DGCR2: variants seen among roughly 807,000 people sequenced by gnomAD.
DGCR2 encodes integral membrane protein DGCR2/IDD.
A neutral mutation model predicts 51.6 loss-of-function variants in DGCR2; 24 were observed. That is an observed-to-expected ratio of 0.47 (90% CI 0.34 to 0.65). DGCR2 has a LOEUF of 0.65. Among genes scored for constraint, DGCR2 ranks in the 30% least tolerant of loss-of-function variants. DGCR2 has a pLI of 0.01. For missense variants in DGCR2, 765 were observed against 772.1 expected, an observed-to-expected ratio of 0.99 and a Z score of 0.11; for synonymous variants, 340 against 315.4, an observed-to-expected ratio of 1.08 and a Z score of -0.82.
intron 7 of DGCR2, chr22:19,045,204 G>C (rs937674422): frequency 6.6e-6 from 1 of 152,368 alleles, no homozygotes; most frequent in East Asian, 1.9e-4. Context: ...ACCAGTGGTT[G>C]AAAGACTATC....
chr22:19,050,255 T>C (rs1033673909), intron 6 of DGCR2, among the ~76,000 whole-genome samples: 2 of 152,202 alleles, frequency 1.3e-5, no homozygotes, highest in Non-Finnish European at 2.9e-5. Context: ...TTGTTACTTC[T>C]AAGGGAACCC....
chr22:19,051,813 AC>A (rs898677928), intron 6 of DGCR2, among the ~76,000 whole-genome samples: 16 of 152,360 alleles, frequency 1.1e-4, no homozygotes, highest in African/African-American at 3.6e-4. Context: ...AGCACATGAA[AC>A]ATGAAGAGGT....
At chr22:19,097,657 A>G (rs531585764) in intron 1 of DGCR2, among the ~76,000 whole-genome samples, 14 of 152,296 alleles carry the variant, frequency 9.2e-5, no homozygotes, top group Non-Finnish European at 1.8e-4. Flanking sequence ...ACTCAAACAC[A>G]CTTGAAGAAT....
chr22:19,051,074 A>G (rs2082542840), intron 6 of DGCR2, among the ~76,000 whole-genome samples: 1 of 151,638 alleles, frequency 6.6e-6, no homozygotes, highest in Non-Finnish European at 1.5e-5. Context: ...TGGTAATCCC[A>G]GCTACTTGGG....
intron 1 of DGCR2, among the ~76,000 whole-genome samples, chr22:19,110,680 T>C (rs1344225064): frequency 6.6e-6 from 1 of 151,492 alleles, no homozygotes; most frequent in Admixed American, 6.6e-5. Flanking sequence ...AAGGAGTAGA[T>C]GGAAAAAGAG....
At chr22:19,054,099 G>A (rs775409975) in intron 6 of DGCR2, among the ~76,000 whole-genome samples, 14 of 152,198 alleles carry the variant, frequency 9.2e-5, no homozygotes, top group South Asian at 4.1e-4. Context: ...TTATTGGAAC[G>A]ACTGATAAAA....
At chr22:19,104,661 C>T (rs1215538102) in intron 1 of DGCR2, among the ~76,000 whole-genome samples, 2 of 152,222 alleles carry the variant, frequency 1.3e-5, no homozygotes, top group Non-Finnish European at 2.9e-5. Flanking sequence ...GACACAGACT[C>T]CCACACCCGG....
Position 19,064,875 on chromosome 22 carries a change from C to G in DGCR2, c.521G>C (p.Arg174Pro), listed in dbSNP as rs146040912. 87 of 1,613,692 alleles carry G rather than the reference C, an allele frequency of 5.4e-5. 1 individual carries two copies. The highest frequency in any genetic ancestry group is 3.3e-5 in the Admixed American group (2 of 60,008). ...VLAQEWDQPE[R>P]SFGWKDQRKL... ...GCGCTGGTCCTTCCAACCAAAGCTC[C>G]GCTCGGGCTGGTCCCATTCCTGGGC... is the stretch of plus-strand genomic sequence containing the variant. Residue 174 changes from arginine to proline, a missense_variant, in exon 4 of 10, where the codon CGG (arginine) becomes CCG (proline). Arg to Pro is a moderately radical substitution (Grantham distance 103). This residue lies in a region of DGCR2 where 370 missense variants were observed against 325.5 expected (regional missense o/e 1.14). Coordinates refer to ENST00000263196, the MANE Select transcript of DGCR2 (RefSeq NM_005137.3).
chr22:19,119,735 C>CAA (rs57362176), intron 1 of DGCR2, among the ~76,000 whole-genome samples: 21,766 of 77,638 alleles, frequency 0.28, 2,687 homozygotes, highest in South Asian at 0.39. Context: ...GACTCTGTCT[C>CAA]AAAAAAAAAA....
chr22:19,062,397 C>T (rs990935661), intron 5 of DGCR2, among the ~76,000 whole-genome samples: 1 of 152,220 alleles, frequency 6.6e-6, no homozygotes, highest in Non-Finnish European at 1.5e-5. Flanking sequence ...GCCACCCAGG[C>T]CTTGACCCTT....
chr22:19,087,278 C>G (rs1243735492), intron 2 of DGCR2, among the ~76,000 whole-genome samples: 1 of 152,156 alleles, frequency 6.6e-6, no homozygotes, highest in African/African-American at 2.4e-5. Context: ...CCTGACCGGG[C>G]CAACACCATC....
intron 6 of DGCR2, among the ~76,000 whole-genome samples, chr22:19,051,896 A>T (rs2082552438): frequency 6.6e-6 from 1 of 152,224 alleles, no homozygotes; most frequent in Non-Finnish European, 1.5e-5. Context: ...ACATATCTGC[A>T]TACCTAACAG....
At chr22:19,102,358 A>G (rs1463839345) in intron 1 of DGCR2, among the ~76,000 whole-genome samples, 1 of 152,236 alleles carries the variant, frequency 6.6e-6, no homozygotes. Context: ...TGCTCGTTCC[A>G]TAACATTCTG....
chr22:19,065,185 T>A, intron 3 of DGCR2, 118 bp from the exon 4 acceptor site: 1 of 863,554 alleles, frequency 1.2e-6, no homozygotes, highest in Non-Finnish European at 1.8e-6. Context: ...GTGGGGAAAC[T>A]GAGGCTCAAG....
intron 6 of DGCR2, 150 bp from the exon 7 acceptor site, chr22:19,048,793 G>C: frequency 1.3e-6 from 1 of 746,448 alleles, no homozygotes; most frequent in Admixed American, 2.3e-5. Flanking sequence ...CAGCTGGAGG[G>C]GGCATGTGAG....
intron 1 of DGCR2, among the ~76,000 whole-genome samples, chr22:19,090,797 T>C (rs1601270312): frequency 7.6e-6 from 1 of 131,768 alleles, no homozygotes; most frequent in Non-Finnish European, 1.6e-5. Flanking sequence ...GAATAAAAAA[T>C]AATCCAAAAG....
At chr22:19,103,393 A>ATT (rs995742199) in intron 1 of DGCR2, among the ~76,000 whole-genome samples, 3 of 93,004 alleles carry the variant, frequency 3.2e-5, no homozygotes, top group African/African-American at 1.1e-4. Context: ...TTGTATGTGT[A>ATT]TTTTACCACA....
At chr22:19,082,055 G>T (rs5993510) in intron 2 of DGCR2, among the ~76,000 whole-genome samples, 23,845 of 91,834 alleles carry the variant, frequency 0.26, 3,445 homozygotes, top group African/African-American at 0.46. Context: ...GTTTTTTGGG[G>T]TTTTTTTTGT....
intron 8 of DGCR2, 128 bp downstream of exon 8, chr22:19,041,679 A>AC: frequency 3.7e-6 from 4 of 1,091,674 alleles, no homozygotes; most frequent in Non-Finnish European, 5.3e-6. Flanking sequence ...GAGGACACAG[A>AC]CCCCACAACA....
Sources: allele counts gnomAD v4.1 joint callset (sites outside exome capture counted in the v4.1 genomes callset), GRCh38; gene constraint gnomAD v4.1.1; regional missense constraint gnomAD v4.1.1; transcripts MANE v1.5; gene names NCBI Gene and HGNC (gene_info 2026-07-23, HGNC 2026-07-21).